The following HECW1 variants were observed in gnomAD, a reference collection of about 807,000 sequenced individuals.
HECW1 encodes E3 ubiquitin-protein ligase HECW1.
Under a neutral mutation model 182.3 loss-of-function variants are expected in HECW1, and 61 were observed. The observed-to-expected ratio is 0.33, with a 90% CI of 0.27 to 0.41. HECW1 has a LOEUF of 0.41. Among genes scored for constraint, HECW1 ranks in the 10% least tolerant of loss-of-function variants. HECW1 has a pLI of 1.00. For missense variants in HECW1, 1,739 were observed against 2,108.9 expected (o/e 0.82, Z 3.44); for synonymous variants, 859 against 832.6 (o/e 1.03, Z -0.55).
chr7:43,214,608 G>A (rs1796284980), intron 2 of HECW1, among the ~76,000 whole-genome samples: 1 of 152,152 alleles, frequency 6.6e-6, no homozygotes, highest in African/African-American at 2.4e-5. Flanking sequence ...TCGTTACTAT[G>A]TCAGTCAGGA....
intron 2 of HECW1, among the ~76,000 whole-genome samples, chr7:43,210,527 G>A (rs1294517152): frequency 6.6e-6 from 1 of 151,846 alleles, no homozygotes; most frequent in Non-Finnish European, 1.5e-5. Context: ...ATGGTGTTGG[G>A]CCACTTCCAA....
In HECW1 at chr7:43,444,326, C is replaced by G. The variant is rs778182501; in HGVS notation, c.1154C>G (p.Pro385Arg). The G allele has an allele frequency of 1.9e-6, 3 of 1,614,164 alleles. No individual in the cohort carries two copies. Among genetic ancestry groups the G allele is most frequent in the East Asian group, 2.2e-5 (1 of 44,878 alleles). The change falls in exon 11 of 30, where the codon CCA becomes CGA. Residue 385 changes from proline to arginine, a missense_variant. Physicochemically the swap from Pro to Arg is moderately radical, Grantham distance 103 (BLOSUM62 -2). Transcript: ENST00000395891. This position sits in a 1 kb window ranked among gnomAD's most constrained non-coding sequence, Gnocchi z 4.3. ...AGTGGGGAACCTCGGTCTGAGGCAC[C>G]AGAGTCCTCTGAGAGCTGGAAGCCA... Reference protein sequence around the residue: ...SGSGEPRSEAPESSESWKPEQ... With the variant: ...SGSGEPRSEARESSESWKPEQ...
chr7:43,355,916 G>A (rs900162561), intron 5 of HECW1, among the ~76,000 whole-genome samples: 38 of 152,170 alleles, frequency 2.5e-4, no homozygotes, highest in African/African-American at 8.4e-4. Flanking sequence ...TTGAACACAG[G>A]AGGCGGAGGT....
intron 2 of HECW1, among the ~76,000 whole-genome samples, chr7:43,212,790 T>C (rs1052719751): frequency 9.9e-5 from 15 of 152,240 alleles, no homozygotes; most frequent in Non-Finnish European, 1.6e-4. Flanking sequence ...TCTAATATTC[T>C]TTAAAATGTA....
intron 2 of HECW1, among the ~76,000 whole-genome samples, chr7:43,157,447 G>A (rs1790007457): frequency 6.6e-6 from 1 of 152,166 alleles, no homozygotes; most frequent in Non-Finnish European, 1.5e-5. Context: ...GTAATATTCA[G>A]ATACTTACAT....
At chr7:43,213,555 C>G (rs765515788) in intron 2 of HECW1, among the ~76,000 whole-genome samples, 22 of 151,128 alleles carry the variant, frequency 1.5e-4, no homozygotes, top group Non-Finnish European at 2.9e-4. Flanking sequence ...ACACCATTCT[C>G]CTGCCTCAGC....
At chr7:43,423,627 T>A (rs905422743) in intron 8 of HECW1, among the ~76,000 whole-genome samples, 1 of 152,108 alleles carries the variant, frequency 6.6e-6, no homozygotes, top group Non-Finnish European at 1.5e-5. Flanking sequence ...AGGAATAGAG[T>A]GAGCTGGGCA....
chr7:43,515,259 C>T (rs913929605), intron 24 of HECW1, among the ~76,000 whole-genome samples: 1 of 151,974 alleles, frequency 6.6e-6, no homozygotes, highest in Non-Finnish European at 1.5e-5. Flanking sequence ...CATTCCCAGG[C>T]GTTTGGGTTT....
intron 6 of HECW1, among the ~76,000 whole-genome samples, chr7:43,394,172 T>A (rs930555684): frequency 3.3e-5 from 5 of 152,100 alleles, no homozygotes; most frequent in Non-Finnish European, 5.9e-5. Flanking sequence ...AGAAGAAAAG[T>A]CCACAACACT....
chr7:43,402,438 A>G (rs2075458646), intron 7 of HECW1, among the ~76,000 whole-genome samples: 1 of 152,188 alleles, frequency 6.6e-6, no homozygotes, highest in Admixed American at 6.5e-5. Flanking sequence ...GAGGGGGGTC[A>G]GGGAACTCTC....
chr7:43,394,652 GT>G (rs1418310697), intron 6 of HECW1, among the ~76,000 whole-genome samples: 1 of 152,196 alleles, frequency 6.6e-6, no homozygotes, highest in East Asian at 1.9e-4. Flanking sequence ...CATCTGGTGA[GT>G]TTCAGTCCCT....
chr7:43,254,335 AGAGAG>A (rs1800342382), intron 3 of HECW1, among the ~76,000 whole-genome samples: 1 of 152,198 alleles, frequency 6.6e-6, no homozygotes, highest in Non-Finnish European at 1.5e-5. Flanking sequence ...GGTAATTGTT[AGAGAG>A]AAGAAATATG....
chr7:43,488,488 G>GAA (rs767310220), intron 17 of HECW1, among the ~76,000 whole-genome samples: 5,798 of 112,334 alleles, frequency 0.052, 214 homozygotes, highest in Middle Eastern at 0.12. Flanking sequence ...AAGAAAGAAA[G>GAA]AGAAAGAAAG....
At chr7:43,461,402 A>G (rs1271494725) in intron 13 of HECW1, among the ~76,000 whole-genome samples, 1 of 152,262 alleles carries the variant, frequency 6.6e-6, no homozygotes, top group Non-Finnish European at 1.5e-5. Context: ...ACCTTTTAAA[A>G]GGAGAGATAC....
At chr7:43,390,854 C>T (rs969285139) in intron 6 of HECW1, among the ~76,000 whole-genome samples, 1 of 152,150 alleles carries the variant, frequency 6.6e-6, no homozygotes, top group Non-Finnish European at 1.5e-5. Context: ...TGCCCTTATA[C>T]AATGGCTGGA....
intron 2 of HECW1, chr7:43,207,746 G>A (rs1009676491): frequency 6.6e-6 from 1 of 152,032 alleles, no homozygotes; most frequent in Non-Finnish European, 1.5e-5. Context: ...TTCTATTCCT[G>A]GCTTATTGTA....
chr7:43,135,216 G>A (rs1787395830), intron 2 of HECW1, among the ~76,000 whole-genome samples: 1 of 152,022 alleles, frequency 6.6e-6, no homozygotes, highest in South Asian at 2.1e-4. Flanking sequence ...ACAGGGAGGG[G>A]GTAGTCATAT....
At chr7:43,491,640 T>C (rs1275034181) in intron 17 of HECW1, among the ~76,000 whole-genome samples, 3 of 152,206 alleles carry the variant, frequency 2.0e-5, no homozygotes, top group African/African-American at 7.2e-5. Context: ...CCTTCCTCTG[T>C]TGCCCAGGCC....
intron 16 of HECW1, among the ~76,000 whole-genome samples, chr7:43,470,185 T>C (rs1196407416): frequency 2.6e-5 from 4 of 152,142 alleles, no homozygotes; most frequent in African/African-American, 9.7e-5. Flanking sequence ...GTGGCCTCTG[T>C]TGGGAGAGTG....
Sources: gnomAD v4.1 joint callset for allele counts (sites outside exome capture counted in the v4.1 genomes callset) on GRCh38, gnomAD v4.1.1 for gene constraint, Gnocchi (gnomAD v3.1) non-coding constraint, MANE v1.5 for transcripts, NCBI Gene and HGNC (gene_info 2026-07-23, HGNC 2026-07-21) for gene names.